ZFPM2: variants seen among roughly 807,000 people sequenced by gnomAD.
ZFPM2 encodes the protein zinc finger protein ZFPM2.
ZFPM2 carries 20 observed loss-of-function variants against 98.6 expected under a neutral mutation model. The ratio of observed to expected loss-of-function variants is 0.20; its 90% CI spans 0.14 to 0.29. The LOEUF is 0.29. Among genes scored for constraint, ZFPM2 ranks in the 10% least tolerant of loss-of-function variants. The pLI, the probability that ZFPM2 is intolerant of heterozygous loss-of-function variation, is 1.00. For missense variants in ZFPM2, 1,310 were observed against 1,388.6 expected, an observed-to-expected ratio of 0.94 and a Z score of 0.90; for synonymous variants, 518 against 502.7, an observed-to-expected ratio of 1.03 and a Z score of -0.41.
At chr8:105,562,841 A>G (rs1586465155) in intron 4 of ZFPM2, among the ~76,000 whole-genome samples, 1 of 152,184 alleles carries the variant, frequency 6.6e-6, no homozygotes, top group Admixed American at 6.5e-5. Flanking sequence ...TCTCTTTGCC[A>G]TGCAAAGGAA....
chr8:105,489,124 A>C (rs1813299171), intron 3 of ZFPM2, among the ~76,000 whole-genome samples: 3 of 152,052 alleles, frequency 2.0e-5, no homozygotes, highest in Admixed American at 2.0e-4. Flanking sequence ...ATAATATAGC[A>C]GTACATTTCT....
At position 105,803,259 on chromosome 8, in the gene ZFPM2, G is replaced by C; in HGVS notation, c.3177G>C (p.Gln1059His). ...KQDERPAANP[Q>H]QENISQNPQH... ...ATGAGAGACCTGCTGCCAACCCACAGCAAGAGAACATTTCCCAGAATCCTC... is the reference window on the plus strand; with the variant it reads ...ATGAGAGACCTGCTGCCAACCCACACCAAGAGAACATTTCCCAGAATCCTC... The change falls in exon 8 of 8, where the codon CAG (glutamine) becomes CAC (histidine). Residue 1059 changes from glutamine (Q) to histidine (H), a missense_variant. Gln to His is a conservative substitution (Grantham distance 24, BLOSUM62 0). Coordinates refer to ENST00000407775, the MANE Select transcript of ZFPM2 (RefSeq NM_012082.4). The C allele has an allele frequency of 6.2e-7, 1 of 1,601,304 alleles. No homozygotes were observed. The highest frequency in any genetic ancestry group is 8.5e-7 in the Non-Finnish European group (1 of 1,173,002).
At chr8:105,665,967 A>G (rs1255761325) in intron 5 of ZFPM2, among the ~76,000 whole-genome samples, 2 of 152,256 alleles carry the variant, frequency 1.3e-5, no homozygotes, top group Non-Finnish European at 2.9e-5. Context: ...TAAATCATAA[A>G]GAATCATAAT....
intron 1 of ZFPM2, among the ~76,000 whole-genome samples, chr8:105,359,198 C>T (rs894058088): frequency 2.6e-5 from 4 of 152,022 alleles, no homozygotes; most frequent in Non-Finnish European, 5.9e-5. Flanking sequence ...CTCGACTTCT[C>T]TCTCTCTCTT....
chr8:105,712,825 G>A (rs1379912737), intron 5 of ZFPM2, among the ~76,000 whole-genome samples: 2 of 152,018 alleles, frequency 1.3e-5, no homozygotes, highest in Non-Finnish European at 2.9e-5. Flanking sequence ...TTCTATTTTT[G>A]TGTTAATTCA....
At chr8:105,796,420 G>A (rs1340059127) in intron 6 of ZFPM2, among the ~76,000 whole-genome samples, 1 of 152,118 alleles carries the variant, frequency 6.6e-6, no homozygotes, top group African/African-American at 2.4e-5. Flanking sequence ...TGCTTAAATG[G>A]ACCCTTTACT....
At chr8:105,785,899 G>A (rs1258526027) in intron 5 of ZFPM2, among the ~76,000 whole-genome samples, 1 of 151,940 alleles carries the variant, frequency 6.6e-6, no homozygotes, top group Non-Finnish European at 1.5e-5. Context: ...AAAATTAGCT[G>A]CGCGTGGTGG....
chr8:105,530,412 G>A (rs534478323), intron 3 of ZFPM2, among the ~76,000 whole-genome samples: 1 of 152,288 alleles, frequency 6.6e-6, no homozygotes, highest in East Asian at 1.9e-4. Flanking sequence ...CGTAACTAAA[G>A]ACTAGGTGGC....
intron 1 of ZFPM2, among the ~76,000 whole-genome samples, chr8:105,331,575 C>T (rs949636338): frequency 1.3e-5 from 2 of 151,682 alleles, no homozygotes; most frequent in Admixed American, 6.6e-5. Flanking sequence ...GCATATTGTT[C>T]CTACTCTCCT....
intron 3 of ZFPM2, among the ~76,000 whole-genome samples, chr8:105,543,342 C>T (rs1814621601): frequency 6.6e-6 from 1 of 152,106 alleles, no homozygotes. Flanking sequence ...AAAAATTAGC[C>T]TAGCTTGATG....
chr8:105,564,490 A>C (rs1361850350), intron 4 of ZFPM2, among the ~76,000 whole-genome samples: 1 of 152,042 alleles, frequency 6.6e-6, no homozygotes, highest in Non-Finnish European at 1.5e-5. Flanking sequence ...TATTATTCCT[A>C]CTACTGTTAC....
intron 2 of ZFPM2, among the ~76,000 whole-genome samples, chr8:105,433,451 A>G (rs1812058772): frequency 1.3e-5 from 2 of 152,162 alleles, no homozygotes; most frequent in South Asian, 2.1e-4. Context: ...TCTCCTTACT[A>G]GCTATGATGA....
chr8:105,646,372 G>A (rs534422361), intron 5 of ZFPM2, among the ~76,000 whole-genome samples: 2 of 152,218 alleles, frequency 1.3e-5, no homozygotes, highest in South Asian at 4.1e-4. Flanking sequence ...GATGAAGTGA[G>A]TCATTCTGTT....
chr8:105,629,663 G>C (rs751802946), intron 4 of ZFPM2, among the ~76,000 whole-genome samples: 3 of 152,120 alleles, frequency 2.0e-5, no homozygotes, highest in Admixed American at 1.3e-4. Flanking sequence ...TCCATTTCGT[G>C]CTCATTCATG....
At chr8:105,593,198 A>G (rs1815887809) in intron 4 of ZFPM2, among the ~76,000 whole-genome samples, 2 of 152,148 alleles carry the variant, frequency 1.3e-5, no homozygotes, top group Admixed American at 1.3e-4. Context: ...ATGAGTGTAT[A>G]TGTACACATA....
intron 4 of ZFPM2, among the ~76,000 whole-genome samples, chr8:105,595,493 A>G (rs953602222): frequency 2.6e-5 from 4 of 152,112 alleles, no homozygotes; most frequent in African/African-American, 9.7e-5. Context: ...CCAGAAGGTG[A>G]TTTTAAGAAG....
chr8:105,666,722 T>C (rs1301707830), intron 5 of ZFPM2, among the ~76,000 whole-genome samples: 3 of 152,154 alleles, frequency 2.0e-5, no homozygotes, highest in Admixed American at 2.0e-4. Flanking sequence ...AGAGCAATGA[T>C]GGGTGAAACT....
At chr8:105,504,859 T>C (rs955555731) in intron 3 of ZFPM2, among the ~76,000 whole-genome samples, 2 of 152,198 alleles carry the variant, frequency 1.3e-5, no homozygotes, top group African/African-American at 2.4e-5. Flanking sequence ...AAGTACCTAA[T>C]TGTATTTCCC....
At chr8:105,345,568 C>A (rs1563613775) in intron 1 of ZFPM2, among the ~76,000 whole-genome samples, 1 of 151,446 alleles carries the variant, frequency 6.6e-6, no homozygotes, top group Non-Finnish European at 1.5e-5. Context: ...CGTATGGAAG[C>A]TCTTTCAGGT....
Sources: allele counts gnomAD v4.1 joint callset (sites outside exome capture counted in the v4.1 genomes callset), GRCh38; gene constraint gnomAD v4.1.1; transcripts MANE v1.5; gene names NCBI Gene and HGNC (gene_info 2026-07-23, HGNC 2026-07-21).